The following MYO16 variants were observed in gnomAD, a reference collection of about 807,000 sequenced individuals.
MYO16 encodes unconventional myosin-XVI.
In MYO16, 94 loss-of-function variants were observed where a neutral mutation model predicts 205.3. The observed-to-expected ratio is 0.46, with a 90% CI of 0.39 to 0.54. The LOEUF (loss-of-function observed/expected upper bound fraction) is 0.54. Ranked by LOEUF, MYO16 falls within the 20% of genes least tolerant of loss-of-function variation. The probability of loss-of-function intolerance (pLI) is 0.00; values close to 1 mark genes in which losing one functional copy is unlikely to be tolerated. For synonymous variants in MYO16, 988 were observed against 954.0 expected, an observed-to-expected ratio of 1.04 and a Z score of -0.66; for missense variants, 2,315 against 2,387.5, an observed-to-expected ratio of 0.97 and a Z score of 0.63.
At chr13:108,757,535 T>C (rs927353840) in intron 4 of MYO16, among the ~76,000 whole-genome samples, 3 of 152,156 alleles carry the variant, frequency 2.0e-5, no homozygotes, top group African/African-American at 7.2e-5. Flanking sequence ...ACGTGCAGGT[T>C]AGTTACATAT....
intron 27 of MYO16, among the ~76,000 whole-genome samples, chr13:109,062,244 A>G (rs1033448674): frequency 2.6e-5 from 4 of 152,340 alleles, no homozygotes; most frequent in South Asian, 2.1e-4. Context: ...TATGTATGCA[A>G]TAGACTATAA....
chr13:108,858,331 G>A (rs539327326), intron 11 of MYO16, among the ~76,000 whole-genome samples: 14 of 152,286 alleles, frequency 9.2e-5, no homozygotes, highest in African/African-American at 3.4e-4. Flanking sequence ...AAAAACAAGT[G>A]ATCCTTCCCC....
intron 4 of MYO16, among the ~76,000 whole-genome samples, chr13:108,756,559 G>T (rs1885427682): frequency 6.6e-6 from 1 of 151,918 alleles, no homozygotes; most frequent in Non-Finnish European, 1.5e-5. Flanking sequence ...TTTATTAGAG[G>T]AAATTTTAAA....
At chr13:108,539,620 A>G in the MYO16 span, among the ~76,000 whole-genome samples, 1 of 152,096 alleles carries the variant, frequency 6.6e-6, no homozygotes, top group Non-Finnish European at 1.5e-5. Context: ...TCTCGCATTG[A>G]AAAATGGGTT....
chr13:108,989,470 A>G (rs117752412), intron 20 of MYO16, among the ~76,000 whole-genome samples: 104 of 152,310 alleles, frequency 6.8e-4, no homozygotes, highest in Non-Finnish European at 6.8e-4. Flanking sequence ...CCTTCTGGAT[A>G]TATAATTGGG....
Position 109,127,890 on chromosome 13 carries a change from A to G in MYO16, c.4051+340A>G, listed in dbSNP as rs1876344934. The stretch of plus-strand genomic sequence containing the variant: ...AAAAAAAAAAAAAACTGCTTCAGGC[A>G]TTCCAGTTATCACAATCTAATAAAA... On this transcript the variant is annotated intron_variant, in intron 31 of 34. Coordinates refer to ENST00000457511, the MANE Select transcript of MYO16 (RefSeq NM_001198950.3). The surrounding 1 kb of genome is among the most constrained non-coding windows in gnomAD (Gnocchi z 4.2). 6.6e-6 allele frequency among the ~76,000 whole-genome samples: 1 copy of G among 150,600 alleles called. No individual in the cohort carries two copies. The highest frequency in any genetic ancestry group is 6.6e-5 in the Admixed American group (1 of 15,160).
intron 5 of MYO16, among the ~76,000 whole-genome samples, chr13:108,793,301 A>G (rs1388620221): frequency 6.6e-6 from 1 of 152,074 alleles, no homozygotes. Context: ...AAAAAAAAAA[A>G]AAAACATAAC....
intron 9 of MYO16, among the ~76,000 whole-genome samples, chr13:108,838,377 A>G (rs1877040096): frequency 1.3e-5 from 2 of 152,158 alleles, no homozygotes; most frequent in East Asian, 3.9e-4. Context: ...GGGAAAGGCC[A>G]TGAACGGTGG....
At chr13:108,694,074 T>C (rs2139502003) in intron 2 of MYO16, among the ~76,000 whole-genome samples, 2 of 152,360 alleles carry the variant, frequency 1.3e-5, no homozygotes, top group Middle Eastern at 6.8e-3. Flanking sequence ...TATTTCATGG[T>C]GTACATGTAC....
At chr13:108,807,197 TG>T (rs1428795197) in intron 7 of MYO16, among the ~76,000 whole-genome samples, 2 of 152,210 alleles carry the variant, frequency 1.3e-5, no homozygotes, top group Admixed American at 6.5e-5. Flanking sequence ...TTACACTATA[TG>T]GAGATTTAAG....
chr13:108,866,332 C>T, intron 12 of MYO16, 90 bp downstream of exon 12: 1 of 688,268 alleles, frequency 1.5e-6, no homozygotes, highest in East Asian at 3.7e-5. Flanking sequence ...AAAAAACAGG[C>T]AAACTTCTAA....
At chr13:108,550,754 G>T in the MYO16 span, among the ~76,000 whole-genome samples, 1 of 152,186 alleles carries the variant, frequency 6.6e-6, no homozygotes, top group Non-Finnish European at 1.5e-5. Context: ...AACAAAGCAT[G>T]TATTGAATCC....
intron 27 of MYO16, among the ~76,000 whole-genome samples, chr13:109,061,619 G>A (rs947054462): frequency 6.6e-6 from 1 of 152,152 alleles, no homozygotes; most frequent in Non-Finnish European, 1.5e-5. Context: ...TCTTATATCG[G>A]TGTGGTTTGT....
the MYO16 span, among the ~76,000 whole-genome samples, chr13:108,550,287 T>A: frequency 2.0e-4 from 30 of 152,272 alleles, no homozygotes; most frequent in African/African-American, 6.7e-4. Context: ...TTTGCAATTG[T>A]CTGGTAGTCC....
At chr13:108,505,272 C>A in the MYO16 span, among the ~76,000 whole-genome samples, 1 of 152,190 alleles carries the variant, frequency 6.6e-6, no homozygotes, top group Non-Finnish European at 1.5e-5. Context: ...TACCTCCCCA[C>A]TAAAAGTGCA....
intron 2 of MYO16, among the ~76,000 whole-genome samples, chr13:108,705,851 T>G (rs1883489076): frequency 6.6e-6 from 1 of 152,192 alleles, no homozygotes; most frequent in Non-Finnish European, 1.5e-5. Context: ...AATAAAATCT[T>G]TCCACAAAGG....
intron 27 of MYO16, among the ~76,000 whole-genome samples, chr13:109,070,221 A>G (rs912507618): frequency 2.6e-5 from 4 of 152,166 alleles, no homozygotes; most frequent in Non-Finnish European, 5.9e-5. Context: ...CTATCTTTAT[A>G]CTGCTCCATC....
At chr13:109,013,787 T>C (rs530887823) in intron 22 of MYO16, among the ~76,000 whole-genome samples, 3 of 152,240 alleles carry the variant, frequency 2.0e-5, no homozygotes, top group Non-Finnish European at 4.4e-5. Flanking sequence ...TCTGTTCATA[T>C]CCTTTGTCCA....
chr13:108,979,990 C>T (rs984250316), intron 20 of MYO16, among the ~76,000 whole-genome samples: 6 of 151,950 alleles, frequency 3.9e-5, no homozygotes, highest in Non-Finnish European at 1.5e-5. Flanking sequence ...TGATAAATTG[C>T]TTCAACAATA....
Sources: allele counts gnomAD v4.1 joint callset (sites outside exome capture counted in the v4.1 genomes callset), GRCh38; gene constraint gnomAD v4.1.1; non-coding constraint Gnocchi (gnomAD v3.1); transcripts MANE v1.5; gene names NCBI Gene and HGNC (gene_info 2026-07-23, HGNC 2026-07-21).